The following NOVA2 variants were observed in gnomAD, a reference collection of about 807,000 sequenced individuals.
NOVA2 encodes NOVA alternative splicing regulator 2.
Under a neutral mutation model 22.5 loss-of-function variants are expected in NOVA2, and 9 were observed. The ratio of observed to expected loss-of-function variants is 0.40; its 90% CI spans 0.24 to 0.70. The LOEUF (loss-of-function observed/expected upper bound fraction) is 0.70, where lower values mean the gene tolerates loss of function less well. Among genes scored for constraint, NOVA2 ranks in the 30% least tolerant of loss-of-function variants. The pLI, the probability that NOVA2 is intolerant of heterozygous loss-of-function variation, is 0.38. For synonymous variants in NOVA2, 318 were observed against 335.2 expected (o/e 0.95, Z 0.56); for missense variants, 383 against 682.8 (o/e 0.56, Z 4.89).
intron 1 of NOVA2, among the ~76,000 whole-genome samples, chr19:45,972,286 T>G (rs1444033550): frequency 6.6e-6 from 1 of 152,038 alleles, no homozygotes; most frequent in African/African-American, 2.4e-5. Context: ...GTTGCACACC[T>G]CCATGTGTCA....
intron 3 of NOVA2, among the ~76,000 whole-genome samples, chr19:45,947,961 G>A (rs1476630071): frequency 6.6e-6 from 1 of 152,036 alleles, no homozygotes. Flanking sequence ...CTGGGCAAGG[G>A]ACCTAACCTC....
At chr19:45,947,314 C>G (rs1967855616) in intron 3 of NOVA2, among the ~76,000 whole-genome samples, 1 of 151,860 alleles carries the variant, frequency 6.6e-6, no homozygotes, top group Non-Finnish European at 1.5e-5. Flanking sequence ...CCCACAGGCC[C>G]AAGCAGGAAG....
At chr19:45,944,053 A>G (rs1051728312) in intron 3 of NOVA2, among the ~76,000 whole-genome samples, 1 of 152,210 alleles carries the variant, frequency 6.6e-6, no homozygotes, top group Non-Finnish European at 1.5e-5. Flanking sequence ...ATCACTTTAC[A>G]TATGTAGTTG....
intron 1 of NOVA2, among the ~76,000 whole-genome samples, chr19:45,968,228 G>A (rs765488761): frequency 6.6e-6 from 1 of 152,070 alleles, no homozygotes; most frequent in Non-Finnish European, 1.5e-5. Flanking sequence ...GCTGGGGAAG[G>A]GAGAGCTGGC....
intron 3 of NOVA2, among the ~76,000 whole-genome samples, chr19:45,941,768 C>T (rs867932161): frequency 6.6e-6 from 1 of 152,064 alleles, no homozygotes; most frequent in South Asian, 2.1e-4. Context: ...TGAAATATAT[C>T]CACAATGGTT....
At chr19:45,963,939 G>C (rs2146425087) in intron 1 of NOVA2, among the ~76,000 whole-genome samples, 1 of 152,194 alleles carries the variant, frequency 6.6e-6, no homozygotes, top group Middle Eastern at 3.4e-3. Context: ...CATGCCTTCA[G>C]AGTAACTGAT....
Position 45,940,210 on chromosome 19 carries a change from C to A in NOVA2, c.1132G>T (p.Gly378Cys). 1 of 1,196,534 alleles carries A rather than the reference C, an allele frequency of 8.4e-7. No homozygotes were observed. The highest frequency in any genetic ancestry group is 1.0e-6 in the Non-Finnish European group (1 of 967,990). 74.1% of individuals were successfully genotyped at this position (1,196,534 alleles called of 1,614,324 possible). A position where few individuals can be genotyped will look rare whatever the true frequency, so the allele number is the denominator to read the frequency against. Residue 378 changes from glycine (G) to cysteine (C), a missense_variant, in exon 4 of 4, where the codon GGC becomes TGC. Physicochemically the swap from Gly to Cys is radical, Grantham distance 159. This residue lies in a region of NOVA2 where 349 missense variants were observed against 578.1 expected (regional missense o/e 0.60). Coordinates refer to ENST00000263257, the MANE Select transcript of NOVA2 (RefSeq NM_002516.4). ...AGAGGGAGGG[G>C]GPLVAAAAAA... ...GCTGCAGCGGCCACCAGCGGGCCGC[C>A]CCCTCCGCCCGCCCCGCCGCCCGCC...
chr19:45,956,373 C>T (rs1968006005), intron 2 of NOVA2, among the ~76,000 whole-genome samples: 1 of 152,126 alleles, frequency 6.6e-6, no homozygotes, highest in Admixed American at 6.5e-5. Context: ...TACAAGGGGG[C>T]CCACAGGGGC....
At position 45,940,221 on chromosome 19, in the gene NOVA2, G is replaced by A; in HGVS notation, c.1121C>T (p.Ala374Val). ...CACCAGCGGGCCGCCCCCTCCGCCCGCCCCGCCGCCCGCCCCGGCCCCGAG... is the reference window on the plus strand; with the variant it reads ...CACCAGCGGGCCGCCCCCTCCGCCCACCCCGCCGCCCGCCCCGGCCCCGAG... ...GYLGAGAGGG[A>V]GGGGGPLVAA... The change falls in exon 4 of 4, where the codon GCG becomes GTG. Residue 374 changes from alanine (A) to valine (V), a missense_variant. Around this residue, in one of 2 missense-constraint regions of NOVA2, gnomAD observed 349 missense variants for 578.1 expected, o/e 0.60. Coordinates refer to ENST00000263257, the MANE Select transcript of NOVA2 (RefSeq NM_002516.4). The A allele has an allele frequency of 4.5e-6, 5 of 1,109,016 alleles. No individual in the cohort carries two copies. The highest frequency in any genetic ancestry group is 4.4e-6 in the Non-Finnish European group (4 of 914,168). 68.7% of individuals were successfully genotyped at this position (1,109,016 alleles called of 1,614,324 possible). A position where few individuals can be genotyped will look rare whatever the true frequency, so the allele number is the denominator to read the frequency against.
At position 45,973,287 on chromosome 19, in the gene NOVA2, G is replaced by C; in HGVS notation, c.65C>G (p.Thr22Ser). Residue 22 changes from threonine to serine, a missense_variant, in exon 1 of 4, where the codon ACC (threonine) becomes AGC (serine). Around this residue, in one of 2 missense-constraint regions of NOVA2, gnomAD observed 349 missense variants for 578.1 expected, o/e 0.60. Coordinates refer to ENST00000263257, the MANE Select transcript of NOVA2 (RefSeq NM_002516.4). Reference protein sequence around the residue: ...PLETPPEVVCTKRSNTGEEGE... With the variant: ...PLETPPEVVCSKRSNTGEEGE... ...CTCACCTCCCGTGTTGCTGCGCTTG[G>C]TGCAGACCACCTCGGGGGGCGTTTC... 7.1e-7 allele frequency: 1 copy of C among 1,400,686 alleles called. No homozygotes were observed. The highest frequency in any genetic ancestry group is 9.4e-7 in the Non-Finnish European group (1 of 1,068,546). 86.8% of individuals were successfully genotyped at this position (1,400,686 alleles called of 1,614,324 possible).
Position 45,939,727 on chromosome 19 carries a change from G to T in NOVA2, c.*136C>A. The T allele has an allele frequency of 1.8e-6, 2 of 1,092,126 alleles. No homozygotes were observed. The highest frequency in any genetic ancestry group is 2.6e-6 in the Non-Finnish European group (2 of 767,108). The allele number at this position is 1,092,126 out of a possible 1,614,324, so 67.7% of individuals were successfully genotyped here. A position where few individuals can be genotyped will look rare whatever the true frequency, so the allele number is the denominator to read the frequency against. ...CCTATGACTACCAGAAGGGGAGGGT[G>T]CAGTCGGGCCTACCCCAGCCCCATC... On this transcript the variant is annotated 3_prime_UTR_variant, in exon 4 of 4. Transcript: ENST00000263257.
At chr19:45,944,883 T>C (rs1469434509) in intron 3 of NOVA2, among the ~76,000 whole-genome samples, 3 of 152,242 alleles carry the variant, frequency 2.0e-5, no homozygotes, top group African/African-American at 7.2e-5. Flanking sequence ...ATATACTGTG[T>C]GATTCCTTTT....
At chr19:45,956,411 A>G (rs1968006398) in intron 2 of NOVA2, among the ~76,000 whole-genome samples, 1 of 151,804 alleles carries the variant, frequency 6.6e-6, no homozygotes, top group African/African-American at 2.4e-5. Flanking sequence ...AAGCCCCACA[A>G]GAGTGTCTAA....
Position 45,940,336 on chromosome 19 carries a change from C to G in NOVA2, c.1006G>C (p.Ala336Pro). 2 of 1,239,018 alleles carry G rather than the reference C, an allele frequency of 1.6e-6. No homozygotes were observed. Among genetic ancestry groups the G allele is most frequent in the Non-Finnish European group, 2.0e-6 (2 of 990,996 alleles). 76.8% of individuals were successfully genotyped at this position (1,239,018 alleles called of 1,614,324 possible). A position where few individuals can be genotyped will look rare whatever the true frequency, so the allele number is the denominator to read the frequency against. Residue 336 changes from alanine (A) to proline (P), a missense_variant, in exon 4 of 4, where the codon GCC (alanine) becomes CCC (proline). Physicochemically the swap from Ala to Pro is conservative, Grantham distance 27 (BLOSUM62 -1). Around this residue, in one of 2 missense-constraint regions of NOVA2, gnomAD observed 349 missense variants for 578.1 expected, o/e 0.60. Coordinates refer to ENST00000263257, the MANE Select transcript of NOVA2 (RefSeq NM_002516.4). The stretch of plus-strand genomic sequence containing the variant: ...GGGGCGGCCCCTCCGGCTGGCCCGG[C>G]CCCGGCCTCGCCCGCGTAGGATGCC... ...LLASYAGEAG[A>P]GPAGGAAPPP...
chr19:45,970,998 C>T (rs970505548), intron 1 of NOVA2, among the ~76,000 whole-genome samples: 2 of 152,098 alleles, frequency 1.3e-5, no homozygotes, highest in Admixed American at 6.6e-5. Context: ...ACAGAGGTTA[C>T]GTCCAGGAGC....
At chr19:45,945,227 G>A (rs1426392743) in intron 3 of NOVA2, among the ~76,000 whole-genome samples, 1 of 151,894 alleles carries the variant, frequency 6.6e-6, no homozygotes, top group Non-Finnish European at 1.5e-5. Flanking sequence ...CTTGAGCCCA[G>A]GAGTTTGAGG....
rs1402060616 is a variant in NOVA2, at chr19:45,934,494, G to C, written c.*5369C>G. ...GGAATCTATGCACCCCATCCCTCTA[G>C]AGTAATACTGATAGCTTGAAATCCT... On this transcript the variant is annotated 3_prime_UTR_variant, in exon 4 of 4. Coordinates refer to ENST00000263257, the MANE Select transcript of NOVA2 (RefSeq NM_002516.4). The C allele has an allele frequency of 6.6e-6, 1 of 152,084 alleles. No homozygotes were observed. Among genetic ancestry groups the C allele is most frequent in the South Asian group, 2.1e-4 (1 of 4,824 alleles). The allele number at this position is 152,084 out of a possible 1,614,324, so 9.4% of individuals were successfully genotyped here.
rs796566486 is a variant in NOVA2, at chr19:45,938,025, A to T, written c.*1838T>A. The T allele has an allele frequency of 2.6e-5, 4 of 151,090 alleles. No individual in the cohort carries two copies. The South Asian group carries it at 6.4e-4, about 24-fold the overall frequency. 9.4% of individuals were successfully genotyped at this position (151,090 alleles called of 1,614,324 possible). A position where few individuals can be genotyped will look rare whatever the true frequency, so the allele number is the denominator to read the frequency against. Reference sequence around the variant, plus strand: ...CCTAGGAGGCGGACAAATGGGGGAGAGGGTGGGCATGGGGCGCCCCTCCCC... The same window carrying T: ...CCTAGGAGGCGGACAAATGGGGGAGTGGGTGGGCATGGGGCGCCCCTCCCC... On this transcript the variant is annotated 3_prime_UTR_variant, in exon 4 of 4. Coordinates refer to ENST00000263257, the MANE Select transcript of NOVA2 (RefSeq NM_002516.4).
chr19:45,960,146 G>C (rs1295461518), intron 2 of NOVA2, among the ~76,000 whole-genome samples: 1 of 151,616 alleles, frequency 6.6e-6, no homozygotes, highest in Non-Finnish European at 1.5e-5. Flanking sequence ...TTGGAGGAAG[G>C]GAAGAAAAAA....
Sources: allele counts gnomAD v4.1 joint callset (sites outside exome capture counted in the v4.1 genomes callset), GRCh38; gene constraint gnomAD v4.1.1; regional missense constraint gnomAD v4.1.1; transcripts MANE v1.5; gene names NCBI Gene and HGNC (gene_info 2026-07-23, HGNC 2026-07-21).